SS18: variants seen among roughly 807,000 people sequenced by gnomAD.
SS18 encodes the protein protein SSXT.
Under a neutral mutation model 72.5 loss-of-function variants are expected in SS18, and 28 were observed. The ratio of observed to expected loss-of-function variants is 0.39; its 90% confidence interval spans 0.29 to 0.53. The LOEUF (loss-of-function observed/expected upper bound fraction) is 0.53. Ranked by LOEUF, SS18 falls within the 20% of genes least tolerant of loss-of-function variation. SS18 has a pLI of 0.76. For synonymous variants in SS18, 172 were observed against 164.2 expected (o/e 1.05, Z -0.37); for missense variants, 518 against 535.3 (o/e 0.97, Z 0.32).
At chr18:26,054,764 G>A (rs2053987111) in intron 4 of SS18, among the ~76,000 whole-genome samples, 1 of 149,754 alleles carries the variant, frequency 6.7e-6, no homozygotes. Flanking sequence ...TTTTGAGACG[G>A]AGTCTCATTC....
chr18:26,057,567 G>A (rs748993965), intron 4 of SS18, 22 bp downstream of exon 4: 45 of 1,606,624 alleles, frequency 2.8e-5, no homozygotes, highest in Non-Finnish European at 3.7e-5. Context: ...TGGTGTTAAT[G>A]TCTTAGAGGA....
At chr18:26,058,753 C>T (rs1485055814) in intron 3 of SS18, among the ~76,000 whole-genome samples, 1 of 152,176 alleles carries the variant, frequency 6.6e-6, no homozygotes, top group Non-Finnish European at 1.5e-5. Flanking sequence ...TCTAATAGCA[C>T]ACATTTTAAA....
chr18:26,077,532 C>A (rs2054438304), intron 3 of SS18, among the ~76,000 whole-genome samples: 1 of 152,084 alleles, frequency 6.6e-6, no homozygotes, highest in South Asian at 2.1e-4. Flanking sequence ...ACTACGTGTA[C>A]CTTGTTTGGA....
intron 5 of SS18, among the ~76,000 whole-genome samples, chr18:26,039,901 C>G (rs975508313): frequency 2.0e-5 from 3 of 152,132 alleles, no homozygotes; most frequent in African/African-American, 7.2e-5. Flanking sequence ...AACCAAATCT[C>G]TAGATTTTTA....
rs543048330 is a variant in SS18, at chr18:26,080,344, T to C, written c.147-2184A>G. 5.1e-6 allele frequency: 5 copies of C among 984,486 alleles called. No individual in the cohort carries two copies. In the African/African-American group the frequency reaches 8.7e-5, roughly 17 times the overall value. The allele number at this position is 984,486 out of a possible 1,614,324, so 61.0% of individuals were successfully genotyped here. On this transcript the variant is annotated intron_variant, in intron 2 of 10. Transcript: ENST00000415083. ...GCCTTCAAGTTTTCCTTTGCTTGAG[T>C]ATTAGTATGGTTGCACGACATGAGA...
chr18:26,082,621 C>T (rs935394275), intron 2 of SS18: 43 of 554,658 alleles, frequency 7.8e-5, no homozygotes, highest in Non-Finnish European at 9.9e-5. Flanking sequence ...GTAACACATT[C>T]TCACGTGTGT....
At position 26,057,612 on chromosome 18, in the gene SS18, T is replaced by C. The variant is rs765405941; in HGVS notation, c.362A>G (p.Asn121Ser). ...GGGPPAPHMQ[N>S]QMNGQMPGPN... The stretch of plus-strand genomic sequence containing the variant: ...ACCAGGCATCTGGCCGTTCATCTGG[T>C]TCTGCATGTGCGGTGCAGGAGGACC... The change falls in exon 4 of 11, where the codon AAC becomes AGC. Residue 121 changes from asparagine to serine, a missense_variant. By Grantham distance (46) the Asn-to-Ser change is conservative (BLOSUM62 1). Transcript: ENST00000415083. 6.2e-7 allele frequency: 1 copy of C among 1,614,096 alleles called. No homozygotes were observed. Among genetic ancestry groups the C allele is most frequent in the Non-Finnish European group, 8.5e-7 (1 of 1,180,000 alleles).
chr18:26,035,219 C>T lies in SS18; in HGVS notation c.974-92G>A. On this transcript the variant is annotated intron_variant, in intron 8 of 10. Transcript: ENST00000415083. This position sits in a 1 kb window ranked among gnomAD's most constrained non-coding sequence, Gnocchi z 4.4. The stretch of plus-strand genomic sequence containing the variant: ...AGATGCATAGCCAACAACACAAGAA[C>T]AAAATGAAATGCCATATTGATTTTT... 1 of 1,364,512 alleles carries T rather than the reference C, an allele frequency of 7.3e-7. No individual in the cohort carries two copies. Among genetic ancestry groups the T allele is most frequent in the Non-Finnish European group, 9.9e-7 (1 of 1,005,788 alleles). 84.5% of individuals were successfully genotyped at this position (1,364,512 alleles called of 1,614,324 possible). A position where few individuals can be genotyped will look rare whatever the true frequency, so the allele number is the denominator to read the frequency against.
chr18:26,066,600 G>GCGCACACA lies in SS18; in HGVS notation c.232-8859_232-8858insTGTGTGCG, dbSNP rs148515889. 4.7e-3 allele frequency among the ~76,000 whole-genome samples: 684 copies of GCGCACACA among 144,418 alleles called. 2 individuals carry two copies. The highest frequency in any genetic ancestry group is 0.016 in the African/African-American group (643 of 38,998). 94.7% of individuals were successfully genotyped at this position (144,418 alleles called of 152,430 possible). A position where few individuals can be genotyped will look rare whatever the true frequency, so the allele number is the denominator to read the frequency against. On this transcript the variant is annotated intron_variant, in intron 3 of 10. Coordinates refer to ENST00000415083, the MANE Select transcript of SS18 (RefSeq NM_001007559.3). ...TTTTAATATAGTTCTGGAAATTTGT[G>GCGCACACA]CACACACACACACACACACACACAC...
chr18:26,039,200 A>AAAACC (rs1178494873), intron 6 of SS18, 89 bp downstream of exon 6: 2 of 897,514 alleles, frequency 2.2e-6, no homozygotes, highest in East Asian at 2.8e-5. Context: ...AAAAAAGAAA[A>AAAACC]CGCCCTGACT....
At chr18:26,079,583 TTTTG>T (rs1319189677) in intron 2 of SS18, among the ~76,000 whole-genome samples, 6 of 152,054 alleles carry the variant, frequency 3.9e-5, no homozygotes, top group Non-Finnish European at 7.4e-5. Context: ...TCGTTTTTGG[TTTTG>T]TTTGTTTTTT....
intron 3 of SS18, among the ~76,000 whole-genome samples, 198 bp downstream of exon 3, chr18:26,077,878 A>C (rs1353318336): frequency 6.6e-6 from 1 of 152,198 alleles, no homozygotes; most frequent in East Asian, 1.9e-4. Flanking sequence ...TAACCTTCTC[A>C]GGGACAGAAT....
Position 26,053,951 on chromosome 18 carries a change from T to C in SS18, c.386-1106A>G, listed in dbSNP as rs77499096. 9.2e-4 allele frequency among the ~76,000 whole-genome samples: 140 copies of C among 152,256 alleles called. 1 individual carries two copies. Among genetic ancestry groups the C allele is most frequent in the African/African-American group, 3.2e-3 (133 of 41,540 alleles). ...ACAAACAACAATTCAAATAAAGTAG[T>C]TGTCCCTCAGTATCTGTGGGAGATT... On this transcript the variant is annotated intron_variant, in intron 4 of 10. Coordinates refer to ENST00000415083, the MANE Select transcript of SS18 (RefSeq NM_001007559.3).
chr18:26,062,121 A>G (rs7240594), intron 3 of SS18, among the ~76,000 whole-genome samples: 38,847 of 151,884 alleles, frequency 0.26, 8,734 homozygotes, highest in African/African-American at 0.6. Flanking sequence ...ATTAGCAGGC[A>G]TGGTGGCGGG....
intron 3 of SS18, 106 bp from the exon 4 acceptor site, chr18:26,057,848 A>T: frequency 8.9e-7 from 1 of 1,117,448 alleles, no homozygotes; most frequent in Non-Finnish European, 1.2e-6. Context: ...GAACAAAAAC[A>T]CAAATGCATT....
intron 3 of SS18, among the ~76,000 whole-genome samples, chr18:26,060,770 C>CCAAAAAAA (rs2054105289): frequency 1.7e-4 from 1 of 5,734 alleles, no homozygotes; most frequent in Non-Finnish European, 6.3e-4. Flanking sequence ...ACTAAAAATA[C>CCAAAAAAA]CAAAAAAAAA....
intron 6 of SS18, 48 bp from the exon 7 acceptor site, chr18:26,038,707 C>T (rs1161586541): frequency 3.5e-6 from 5 of 1,430,146 alleles, no homozygotes; most frequent in Non-Finnish European, 4.9e-6. Flanking sequence ...TTCTCTATGT[C>T]ATCAAAGGCT....
At position 26,042,327 on chromosome 18, in the gene SS18, T is replaced by C. The variant is rs563743927; in HGVS notation, c.608-2871A>G. ...CAGACTTTAAGGTTATTCTTCATCTTTTACATAAACAATTTTGATGTTAAG... is the reference window on the plus strand; with the variant it reads ...CAGACTTTAAGGTTATTCTTCATCTCTTACATAAACAATTTTGATGTTAAG... On this transcript the variant is annotated intron_variant, in intron 5 of 10. Transcript: ENST00000415083. Among the ~76,000 whole-genome samples, 14 of 152,276 alleles carry C rather than the reference T, an allele frequency of 9.2e-5. 1 individual carries two copies. In the South Asian group the frequency reaches 1.9e-3, roughly 20 times the overall value.
intron 2 of SS18, among the ~76,000 whole-genome samples, chr18:26,084,400 G>C (rs1468163132): frequency 6.6e-6 from 1 of 152,158 alleles, no homozygotes; most frequent in African/African-American, 2.4e-5. Context: ...CAAATCATTG[G>C]ATTTTTAGTG....
Sources: allele counts gnomAD v4.1 joint callset (sites outside exome capture counted in the v4.1 genomes callset), GRCh38; gene constraint gnomAD v4.1.1; non-coding constraint Gnocchi (gnomAD v3.1); transcripts MANE v1.5; gene names NCBI Gene and HGNC (gene_info 2026-07-23, HGNC 2026-07-21).